Variants in ACBD6 observed in about 807,000 individuals in gnomAD.
The protein encoded by ACBD6 is acyl-CoA-binding domain-containing protein 6.
ACBD6 carries 28 observed loss-of-function variants against 37.2 expected under a neutral mutation model. That is an observed-to-expected ratio of 0.75 (90% confidence interval 0.56 to 1.03). ACBD6 has a LOEUF of 1.03. Ranked by LOEUF, ACBD6 falls within the 50% of genes least tolerant of loss-of-function variation. The pLI is 0.00. For missense variants in ACBD6, 340 were observed against 337.4 expected, an observed-to-expected ratio of 1.01 and a Z score of -0.06; for synonymous variants, 113 against 126.8, an observed-to-expected ratio of 0.89 and a Z score of 0.73.
chr1:180,320,893 A>C (rs1044954462), intron 6 of ACBD6, among the ~76,000 whole-genome samples: 2 of 152,098 alleles, frequency 1.3e-5, no homozygotes, highest in African/African-American at 4.8e-5. Context: ...GAGTTTCCCC[A>C]ATGTTTTCTT....
chr1:180,353,686 T>C (rs1481234502), intron 6 of ACBD6, among the ~76,000 whole-genome samples: 1 of 149,350 alleles, frequency 6.7e-6, no homozygotes, highest in East Asian at 2.0e-4. Context: ...TTTATTTGTA[T>C]CCTGCTGACT....
intron 9 of ACBD6, chr1:180,276,834 A>AGGG (rs200797803): frequency 3.8e-5 from 1 of 26,378 alleles, no homozygotes; most frequent in African/African-American, 1.3e-4. Context: ...GCTTTTTAAA[A>AGGG]GGGGGGGGGG....
At chr1:180,306,624 T>A (rs914341444) in intron 7 of ACBD6, among the ~76,000 whole-genome samples, 1 of 152,344 alleles carries the variant, frequency 6.6e-6, no homozygotes, top group South Asian at 2.1e-4. Flanking sequence ...TTCATTTACA[T>A]TATTGCATGT....
intron 7 of ACBD6, among the ~76,000 whole-genome samples, chr1:180,295,423 A>G (rs936917983): frequency 2.6e-5 from 4 of 152,050 alleles, no homozygotes; most frequent in Admixed American, 2.6e-4. Context: ...AGTTTTGACA[A>G]GAGTGTTTTC....
At chr1:180,280,978 C>G (rs1373276074) in intron 9 of ACBD6, among the ~76,000 whole-genome samples, 2 of 152,182 alleles carry the variant, frequency 1.3e-5, no homozygotes, top group Non-Finnish European at 2.9e-5. Context: ...CATCACCAGC[C>G]TATGTTGCAT....
intron 6 of ACBD6, among the ~76,000 whole-genome samples, chr1:180,341,758 T>C (rs1651992489): frequency 1.3e-5 from 2 of 152,174 alleles, no homozygotes; most frequent in Non-Finnish European, 2.9e-5. Flanking sequence ...CATTATTACT[T>C]TGTAATAAGA....
chr1:180,274,879 C>T (rs1648932267), exon 10 of ACBD6: 1 of 298,992 alleles, frequency 3.3e-6, no homozygotes, highest in South Asian at 8.9e-5. Context: ...CTTGGCTGCT[C>T]AGTGCTTTGG....
At chr1:180,340,672 T>C (rs6670868) in intron 6 of ACBD6, among the ~76,000 whole-genome samples, 7,690 of 151,372 alleles carry the variant, frequency 0.051, 250 homozygotes, top group South Asian at 0.089. Context: ...GGGGTTTAAA[T>C]ATGGAGTAAG....
At chr1:180,443,779 ATTTT>A (rs71121019) in intron 3 of ACBD6, among the ~76,000 whole-genome samples, 1 of 134,102 alleles carries the variant, frequency 7.5e-6, no homozygotes, top group African/African-American at 2.8e-5. Context: ...CGCCCAGCTA[ATTTT>A]TTTTTTTTTT....
chr1:180,452,681 GAAGAA>G (rs908129155), intron 3 of ACBD6, among the ~76,000 whole-genome samples: 71 of 55,196 alleles, frequency 1.3e-3, no homozygotes, highest in African/African-American at 5.9e-3. Context: ...GACTAATAAA[GAAGAA>G]AAGAGAGAAG....
chr1:180,386,988 G>A (rs1329366778), intron 6 of ACBD6, among the ~76,000 whole-genome samples: 3 of 152,062 alleles, frequency 2.0e-5, no homozygotes, highest in South Asian at 2.1e-4. Context: ...TTGAGTATGC[G>A]TATCTGTATT....
At chr1:180,388,853 A>G (rs1425743041) in intron 6 of ACBD6, among the ~76,000 whole-genome samples, 2 of 152,254 alleles carry the variant, frequency 1.3e-5, no homozygotes, top group African/African-American at 2.4e-5. Flanking sequence ...AAATTTAACA[A>G]AAGAAGTGTA....
Position 180,430,260 on chromosome 1 carries a change from T to C in ACBD6, c.387A>G (p.Ile129Met). The change falls in exon 4 of 8, where the codon ATA becomes ATG. Residue 129 changes from isoleucine to methionine, a missense_variant and splice_region_variant. Transcript: ENST00000367595. ...KKLDPGWNPQ[I>M]PEKKGKEANT... ...TTGCTTCTTTTCCTTTCTTCTCTGG[T>C]ATCTGTGGGAAGGAGAAAAAAAAGT... The C allele has an allele frequency of 1.2e-6, 2 of 1,612,772 alleles. No individual in the cohort carries two copies. Among genetic ancestry groups the C allele is most frequent in the Admixed American group, 1.7e-5 (1 of 59,994 alleles).
At chr1:180,413,339 A>G in intron 5 of ACBD6, 27 bp downstream of exon 5, 1 of 1,575,628 alleles carries the variant, frequency 6.3e-7, no homozygotes, top group Non-Finnish European at 8.7e-7. Flanking sequence ...GCATAGGAAA[A>G]TAATTAACAG....
chr1:180,426,381 T>C (rs929026871), intron 4 of ACBD6, among the ~76,000 whole-genome samples: 2 of 152,242 alleles, frequency 1.3e-5, no homozygotes, highest in Admixed American at 6.5e-5. Context: ...CTTTGAAGCA[T>C]GCAAGTAACC....
chr1:180,368,644 G>T (rs997516669), intron 6 of ACBD6, among the ~76,000 whole-genome samples: 1 of 151,726 alleles, frequency 6.6e-6, no homozygotes, highest in Non-Finnish European at 1.5e-5. Flanking sequence ...GTCTTTTCAG[G>T]GGGATGCATT....
intron 6 of ACBD6, among the ~76,000 whole-genome samples, chr1:180,341,011 G>T (rs1305575783): frequency 1.3e-5 from 2 of 152,108 alleles, no homozygotes; most frequent in Non-Finnish European, 2.9e-5. Context: ...TGAGATTAGT[G>T]GTTATAAACA....
At chr1:180,495,020 AGAGT>A (rs1210547393) in intron 2 of ACBD6, among the ~76,000 whole-genome samples, 2 of 152,210 alleles carry the variant, frequency 1.3e-5, no homozygotes, top group African/African-American at 4.8e-5. Context: ...AAGGAACACA[AGAGT>A]AAGTAGCAAG....
At chr1:180,424,224 C>T (rs547571284) in intron 4 of ACBD6, among the ~76,000 whole-genome samples, 61 of 152,030 alleles carry the variant, frequency 4.0e-4, no homozygotes, top group Middle Eastern at 3.4e-3. Flanking sequence ...GTTTCCTTAT[C>T]TGTAAAAAAA....
Sources: gnomAD v4.1 joint callset for allele counts (sites outside exome capture counted in the v4.1 genomes callset) on GRCh38, gnomAD v4.1.1 for gene constraint, MANE v1.5 for transcripts, NCBI Gene and HGNC (gene_info 2026-07-23, HGNC 2026-07-21) for gene names.